The following SH3RF3 variants were observed in gnomAD, a reference collection of about 807,000 sequenced individuals.
SH3RF3 encodes E3 ubiquitin-protein ligase SH3RF3.
Under a neutral mutation model 66.3 loss-of-function variants are expected in SH3RF3, and 29 were observed. The ratio of observed to expected loss-of-function variants is 0.44; its 90% CI spans 0.33 to 0.60. The LOEUF is 0.60. Among genes scored for constraint, SH3RF3 ranks in the 20% least tolerant of loss-of-function variants. The pLI, the probability that SH3RF3 is intolerant of heterozygous loss-of-function variation, is 0.04. For synonymous variants in SH3RF3, 583 were observed against 532.0 expected, an observed-to-expected ratio of 1.10 and a Z score of -1.32; for missense variants, 1,194 against 1,190.9, an observed-to-expected ratio of 1.00 and a Z score of -0.04.
intron 1 of SH3RF3, among the ~76,000 whole-genome samples, chr2:109,204,465 T>G (rs143367355): frequency 6.6e-6 from 1 of 152,248 alleles, no homozygotes; most frequent in East Asian, 1.9e-4. Flanking sequence ...GGTTCACTTG[T>G]GGCTTTTGTT....
chr2:109,458,673 G>T (rs1186771387), intron 8 of SH3RF3, among the ~76,000 whole-genome samples: 2 of 152,044 alleles, frequency 1.3e-5, no homozygotes, highest in Non-Finnish European at 2.9e-5. Flanking sequence ...AGCCCAGCAG[G>T]CTGGACCCTC....
intron 8 of SH3RF3, among the ~76,000 whole-genome samples, chr2:109,486,220 T>C (rs896865684): frequency 7.9e-5 from 12 of 152,368 alleles, no homozygotes; most frequent in African/African-American, 2.6e-4. Flanking sequence ...GATTGATCAC[T>C]TCCTATGTTC....
intron 1 of SH3RF3, among the ~76,000 whole-genome samples, chr2:109,146,273 G>A (rs1055382271): frequency 2.0e-5 from 3 of 152,150 alleles, no homozygotes; most frequent in African/African-American, 4.8e-5. Context: ...CAGGCAAAGG[G>A]CATCAGTAAA....
intron 1 of SH3RF3, among the ~76,000 whole-genome samples, chr2:109,134,257 C>T (rs1018101830): frequency 6.6e-6 from 1 of 152,130 alleles, no homozygotes; most frequent in African/African-American, 2.4e-5. Flanking sequence ...GTTCCTCCGC[C>T]CTTCTGTCCA....
At chr2:109,364,951 T>C (rs1683127162) in intron 2 of SH3RF3, among the ~76,000 whole-genome samples, 1 of 152,066 alleles carries the variant, frequency 6.6e-6, no homozygotes, top group African/African-American at 2.4e-5. Context: ...ATTAACTGGG[T>C]GTAGTGGCAC....
intron 8 of SH3RF3, among the ~76,000 whole-genome samples, chr2:109,469,437 G>GA (rs1678445283): frequency 6.6e-6 from 1 of 152,196 alleles, no homozygotes; most frequent in African/African-American, 2.4e-5. Context: ...CTGCTCTGTC[G>GA]AGGAAGGGTT....
Position 109,348,932 on chromosome 2 carries a change from G to A in SH3RF3, c.849+983G>A, listed in dbSNP as rs929783720. On this transcript the variant is annotated intron_variant, in intron 2 of 9. Coordinates refer to ENST00000309415, the MANE Select transcript of SH3RF3 (RefSeq NM_001099289.3). The stretch of plus-strand genomic sequence containing the variant: ...ACACAGGGAATTCTTCCCTTATGTC[G>A]GCCTCACTGTATTTTAGATGCCCAG... Among the ~76,000 whole-genome samples, 4 of 152,000 alleles carry A rather than the reference G, an allele frequency of 2.6e-5. 1 individual carries two copies. The East Asian group carries it at 5.8e-4, about 22-fold the overall frequency.
intron 1 of SH3RF3, among the ~76,000 whole-genome samples, chr2:109,304,513 A>G (rs1029763796): frequency 6.6e-6 from 1 of 151,842 alleles, no homozygotes; most frequent in African/African-American, 2.4e-5. Context: ...CCTCTCTCCA[A>G]CCCCAGGGTG....
At chr2:109,138,793 G>A (rs1037200123) in intron 1 of SH3RF3, among the ~76,000 whole-genome samples, 3 of 152,230 alleles carry the variant, frequency 2.0e-5, no homozygotes, top group Non-Finnish European at 4.4e-5. Flanking sequence ...CCCAGAACGA[G>A]TGATGTTAAT....
intron 5 of SH3RF3, among the ~76,000 whole-genome samples, chr2:109,425,622 C>T (rs536808555): frequency 4.6e-5 from 7 of 152,256 alleles, no homozygotes; most frequent in African/African-American, 9.6e-5. Context: ...GGGACAACCA[C>T]GCCTGCATGA....
intron 2 of SH3RF3, among the ~76,000 whole-genome samples, chr2:109,365,356 G>A (rs1683134808): frequency 6.6e-6 from 1 of 152,176 alleles, no homozygotes; most frequent in Non-Finnish European, 1.5e-5. Context: ...TTACAGTTCA[G>A]GCCCTCCTAG....
At position 109,437,563 on chromosome 2, in the gene SH3RF3, C is replaced by G. The variant is rs939772231; in HGVS notation, c.1828+417C>G. 4.6e-5 allele frequency among the ~76,000 whole-genome samples: 7 copies of G among 152,152 alleles called. No individual in the cohort carries two copies. The East Asian group carries it at 1.2e-3, about 25-fold the overall frequency. The stretch of plus-strand genomic sequence containing the variant: ...ATGATTGTGGGCCGGCCACGTGGGT[C>G]TTCCATCTGCCGGGCCCTGCAGGGC... On this transcript the variant is annotated intron_variant, in intron 7 of 9. Transcript: ENST00000309415.
chr2:109,333,514 G>A (rs1682335233), intron 1 of SH3RF3, among the ~76,000 whole-genome samples: 1 of 152,196 alleles, frequency 6.6e-6, no homozygotes. Context: ...TACCCCACCT[G>A]TTTGTGTAAG....
intron 1 of SH3RF3, among the ~76,000 whole-genome samples, chr2:109,133,042 T>C (rs1418478671): frequency 6.6e-6 from 1 of 152,218 alleles, no homozygotes; most frequent in African/African-American, 2.4e-5. Context: ...GGCACTATTA[T>C]AGGTAAACAA....
At chr2:109,214,117 T>C (rs1679055114) in intron 1 of SH3RF3, among the ~76,000 whole-genome samples, 1 of 152,122 alleles carries the variant, frequency 6.6e-6, no homozygotes, top group African/African-American at 2.4e-5. Flanking sequence ...TTGTCTTGGG[T>C]GTGCCGGGTG....
chr2:109,232,081 A>G (rs967392115), intron 1 of SH3RF3, among the ~76,000 whole-genome samples: 2 of 152,228 alleles, frequency 1.3e-5, no homozygotes, highest in African/African-American at 4.8e-5. Flanking sequence ...ATTATGAACA[A>G]TGCCGCTACA....
At chr2:109,229,145 C>G (rs1440159872) in intron 1 of SH3RF3, among the ~76,000 whole-genome samples, 1 of 152,178 alleles carries the variant, frequency 6.6e-6, no homozygotes, top group Non-Finnish European at 1.5e-5. Context: ...CAGAAAATTA[C>G]CAGGGATTTA....
At chr2:109,144,175 T>TA (rs1176499073) in intron 1 of SH3RF3, among the ~76,000 whole-genome samples, 1 of 152,228 alleles carries the variant, frequency 6.6e-6, no homozygotes, top group Non-Finnish European at 1.5e-5. Flanking sequence ...TGAACTTTGC[T>TA]AAAAGAATAG....
At chr2:109,475,733 A>G (rs1471138159) in intron 8 of SH3RF3, among the ~76,000 whole-genome samples, 3 of 152,224 alleles carry the variant, frequency 2.0e-5, no homozygotes, top group Non-Finnish European at 4.4e-5. Flanking sequence ...AGCTGAAAAT[A>G]TCTCCAAATG....
Sources: gnomAD v4.1 joint callset for allele counts (sites outside exome capture counted in the v4.1 genomes callset) on GRCh38, gnomAD v4.1.1 for gene constraint, MANE v1.5 for transcripts, NCBI Gene and HGNC (gene_info 2026-07-23, HGNC 2026-07-21) for gene names.